Variants in NCOA6 observed in about 807,000 individuals in gnomAD.
NCOA6 encodes NRC RAP250.
Under a neutral mutation model 171.4 loss-of-function variants are expected in NCOA6, and 49 were observed. The ratio of observed to expected loss-of-function variants is 0.29; its 90% CI spans 0.23 to 0.36. The LOEUF is 0.36. NCOA6 is among the 10% of genes least tolerant of loss of function. The pLI is 1.00. For missense variants in NCOA6, 2,248 were observed against 2,554.5 expected, an observed-to-expected ratio of 0.88 and a Z score of 2.59; for synonymous variants, 910 against 927.5, an observed-to-expected ratio of 0.98 and a Z score of 0.34.
At position 34,715,082 on chromosome 20, in the gene NCOA6, G is replaced by A. The variant is rs971773154; in HGVS notation, c.*240C>T. The A allele has an allele frequency of 2.1e-5, 10 of 473,690 alleles. No individual in the cohort carries two copies. The highest frequency in any genetic ancestry group is 1.6e-4 in the African/African-American group (8 of 50,404). The allele number at this position is 473,690 out of a possible 1,614,324, so 29.3% of individuals were successfully genotyped here. A position where few individuals can be genotyped will look rare whatever the true frequency, so the allele number is the denominator to read the frequency against. ...ACTAGTAACATTTATAATGGCATTA[G>A]CTCCTTTCAATACAAGACAACATTT... On this transcript the variant is annotated 3_prime_UTR_variant, in exon 15 of 15. Transcript: ENST00000359003.
intron 4 of NCOA6, among the ~76,000 whole-genome samples, chr20:34,773,813 C>T (rs923703819): frequency 6.6e-6 from 1 of 152,140 alleles, no homozygotes; most frequent in Non-Finnish European, 1.5e-5. Flanking sequence ...TGTGACCCAC[C>T]GTGGCTGGCC....
Position 34,817,185 on chromosome 20 carries a change from ACTG to A in NCOA6, c.-164+8284_-164+8286del, listed in dbSNP as rs1568902234. ...AATGTATATAAATGGGTACTACGGAACTGATATTCAACAGATTCAATATCAGTA... is the reference window on the plus strand; with the variant it reads ...AATGTATATAAATGGGTACTACGGAAATATTCAACAGATTCAATATCAGTA... On this transcript the variant is annotated intron_variant, in intron 1 of 14. Transcript: ENST00000359003. Among the ~76,000 whole-genome samples, 119 of 126,100 alleles carry A rather than the reference ACTG, an allele frequency of 9.4e-4. 24 individuals are homozygous for A. The highest frequency in any genetic ancestry group is 1.3e-3 in the Non-Finnish European group (74 of 55,014). 82.7% of individuals were successfully genotyped at this position (126,100 alleles called of 152,430 possible).
At chr20:34,753,489 C>T (rs888821189) in intron 8 of NCOA6, among the ~76,000 whole-genome samples, 4 of 151,670 alleles carry the variant, frequency 2.6e-5, no homozygotes, top group Non-Finnish European at 4.4e-5. Context: ...GGTCAAATCC[C>T]GTCTCTACTA....
chr20:34,733,091 CCA>C (rs2075837330), intron 12 of NCOA6: 1 of 152,636 alleles, frequency 6.6e-6, no homozygotes, highest in Non-Finnish European at 1.5e-5. Context: ...CCTTTACACC[CCA>C]TTCTATTCCT....
chr20:34,741,615 T>C lies in NCOA6; in HGVS notation c.4641A>G (p.Leu1547=). Residue 1547 remains leucine, a synonymous_variant, in exon 11 of 15, where the codon CTA becomes CTG. Transcript: ENST00000359003. The stretch of plus-strand genomic sequence containing the variant: ...ACAGCTCATTACTGTGAGGTAAGTT[T>C]AGGGAATTAGAAGGTTCTTTAGAAG... ...LSSSKEPSNS[L]NLPHSNELCS... The C allele has an allele frequency of 1.2e-6, 2 of 1,614,140 alleles. No individual in the cohort carries two copies. The highest frequency in any genetic ancestry group is 1.7e-6 in the Non-Finnish European group (2 of 1,180,034).
chr20:34,776,994 G>A (rs1265181475), intron 3 of NCOA6, among the ~76,000 whole-genome samples: 2 of 151,994 alleles, frequency 1.3e-5, no homozygotes, highest in Non-Finnish European at 2.9e-5. Context: ...GCATGCACCT[G>A]TAGTCCCAGC....
rs141509673 is a variant in NCOA6 at position 34,757,313 on chromosome 20, T to C, written c.1435A>G (p.Met479Val). The C allele has an allele frequency of 6.4e-5, 103 of 1,614,004 alleles. No individual in the cohort carries two copies. Among genetic ancestry groups the C allele is most frequent in the Non-Finnish European group, 7.5e-5 (88 of 1,180,000 alleles). ...QPVSSPGRNP[M>V]VQQGNVPPNF... ...GGTGGCACATTTCCCTGTTGAACCA[T>C]AGGATTCCGACCCGGAGAGCTGACA... is the stretch of plus-strand genomic sequence containing the variant. The change falls in exon 7 of 15, where the codon ATG (methionine) becomes GTG (valine). Residue 479 changes from methionine (M) to valine (V), a missense_variant. Met to Val is a conservative substitution (Grantham distance 21, BLOSUM62 1). Coordinates refer to ENST00000359003, the MANE Select transcript of NCOA6 (RefSeq NM_014071.5).
At chr20:34,789,970 C>T (rs1451999989) in intron 2 of NCOA6, among the ~76,000 whole-genome samples, 1 of 151,652 alleles carries the variant, frequency 6.6e-6, no homozygotes, top group Non-Finnish European at 1.5e-5. Flanking sequence ...CACAGTGGCT[C>T]ACACCTGTAA....
chr20:34,758,279 C>G (rs550198664), intron 6 of NCOA6, among the ~76,000 whole-genome samples, 175 bp from the exon 7 acceptor site: 6 of 152,190 alleles, frequency 3.9e-5, no homozygotes, highest in Non-Finnish European at 8.8e-5. Context: ...TGAATTCTGT[C>G]TTAAAAAGAG....
intron 8 of NCOA6, among the ~76,000 whole-genome samples, chr20:34,754,249 C>A (rs2076578926): frequency 1.3e-5 from 2 of 152,172 alleles, no homozygotes; most frequent in African/African-American, 4.8e-5. Context: ...GCCAGAAATG[C>A]CTTTTTGCCT....
intron 4 of NCOA6, among the ~76,000 whole-genome samples, chr20:34,772,552 C>T (rs1245081675): frequency 6.6e-6 from 1 of 151,548 alleles, no homozygotes; most frequent in Non-Finnish European, 1.5e-5. Context: ...TTAGGGCAAA[C>T]TGAAAACCTG....
intron 8 of NCOA6, among the ~76,000 whole-genome samples, chr20:34,751,376 C>CAAAAAAAAAAAAAAAAAAA (rs35848122): frequency 6.7e-4 from 46 of 68,220 alleles, no homozygotes; most frequent in Admixed American, 1.5e-3. Flanking sequence ...GACTCCGTCT[C>CAAAAAAAAAAAAAAAAAAA]AAAAAAAAAA....
intron 7 of NCOA6, among the ~76,000 whole-genome samples, chr20:34,756,132 T>C (rs2145799069): frequency 6.6e-6 from 1 of 152,356 alleles, no homozygotes; most frequent in South Asian, 2.1e-4. Context: ...AAGTCCCATT[T>C]GCATGCTCCC....
rs201911903 is a variant in NCOA6, at chr20:34,741,861, C to T, written c.4395G>A (p.Ser1465=). The change falls in exon 11 of 15, where the codon TCG becomes TCA. Residue 1465 remains serine, a synonymous_variant. Coordinates refer to ENST00000359003, the MANE Select transcript of NCOA6 (RefSeq NM_014071.5). ...EDQSKKDGQP[S]DPNKLPSVEE... ...CGACACTGGGAAGTTTGTTAGGATC[C>T]GAAGGCTGCCCATCCTTTTTGGACT... 1.6e-5 allele frequency: 26 copies of T among 1,614,148 alleles called. No homozygotes were observed. The East Asian group carries it at 2.0e-4, about 12-fold the overall frequency.
chr20:34,742,707 T>C lies in NCOA6; in HGVS notation c.3549A>G (p.Gln1183=), dbSNP rs780751438. 5 of 1,613,654 alleles carry C rather than the reference T, an allele frequency of 3.1e-6. No homozygotes were observed. The South Asian group carries it at 5.5e-5, about 18-fold the overall frequency. Residue 1183 remains glutamine (Q), a synonymous_variant, in exon 11 of 15, where the codon CAA becomes CAG. Transcript: ENST00000359003. ...LSATQGATPQ[Q]PPVNSLPSSH... is the part of the protein sequence containing the mutation. Reference sequence around the variant, plus strand: ...AGCTGGGCAGGGAATTTACAGGGGGTTGCTGGGGAGTTGCACCTTGAGTTG... The same window carrying C: ...AGCTGGGCAGGGAATTTACAGGGGGCTGCTGGGGAGTTGCACCTTGAGTTG...
intron 1 of NCOA6, among the ~76,000 whole-genome samples, chr20:34,796,111 A>G (rs2078063662): frequency 1.3e-5 from 2 of 150,418 alleles, no homozygotes; most frequent in African/African-American, 2.5e-5. Flanking sequence ...CCTGGGCTCA[A>G]GTAACCTCCC....
At chr20:34,772,741 T>G (rs1374124332) in intron 4 of NCOA6, among the ~76,000 whole-genome samples, 1 of 152,154 alleles carries the variant, frequency 6.6e-6, no homozygotes, top group Non-Finnish European at 1.5e-5. Flanking sequence ...TGTCATGAAC[T>G]GAGAGCCACA....
chr20:34,770,126 A>C lies in NCOA6; in HGVS notation c.392-1540T>G, dbSNP rs553321306. Among the ~76,000 whole-genome samples, 20 of 148,184 alleles carry C rather than the reference A, an allele frequency of 1.3e-4. No homozygotes were observed. The East Asian group carries it at 4.0e-3, about 30-fold the overall frequency. ...GCAATCTCGGCTCACTGCCATCTCC[A>C]CCTCCCAGGTTCAAGCGATTCTCCT... On this transcript the variant is annotated intron_variant, in intron 4 of 14. Transcript: ENST00000359003.
intron 1 of NCOA6, among the ~76,000 whole-genome samples, chr20:34,807,219 G>A (rs1311967287): frequency 1.3e-5 from 2 of 152,186 alleles, no homozygotes; most frequent in Non-Finnish European, 2.9e-5. Flanking sequence ...GAGAAACCAA[G>A]CCCTTCAATT....
Sources: gnomAD v4.1 joint callset for allele counts (sites outside exome capture counted in the v4.1 genomes callset) on GRCh38, gnomAD v4.1.1 for gene constraint, MANE v1.5 for transcripts, NCBI Gene and HGNC (gene_info 2026-07-23, HGNC 2026-07-21) for gene names.